EEFSEC: variants seen among roughly 807,000 people sequenced by gnomAD.
The protein encoded by EEFSEC is selenocysteine-specific elongation factor.
Under a neutral mutation model 42.1 loss-of-function variants are expected in EEFSEC, and 43 were observed. That is an observed-to-expected ratio of 1.02 (90% CI 0.80 to 1.32). The LOEUF is 1.32. Among genes scored for constraint, EEFSEC ranks in the 40% most tolerant of loss-of-function variants. The pLI is 0.00. For missense variants in EEFSEC, 745 were observed against 803.6 expected (o/e 0.93, Z 0.88); for synonymous variants, 354 against 339.1 (o/e 1.04, Z -0.48).
At chr3:128,402,775 C>T (rs1377985997) in intron 6 of EEFSEC, among the ~76,000 whole-genome samples, 1 of 152,178 alleles carries the variant, frequency 6.6e-6, no homozygotes, top group African/African-American at 2.4e-5. Flanking sequence ...AAACAGCTGC[C>T]CTTCAGGTTC....
At chr3:128,156,432 A>C (rs775591757) in intron 1 of EEFSEC, among the ~76,000 whole-genome samples, 2 of 152,294 alleles carry the variant, frequency 1.3e-5, no homozygotes, top group Admixed American at 6.5e-5. Flanking sequence ...TAGTTCCCTC[A>C]TCCGCTTCCA....
chr3:128,368,707 A>G (rs1029973172), intron 6 of EEFSEC, among the ~76,000 whole-genome samples: 3 of 152,194 alleles, frequency 2.0e-5, no homozygotes, highest in African/African-American at 7.2e-5. Flanking sequence ...ATCTGATAAA[A>G]TGGGGGTAAC....
At chr3:128,407,687 G>A (rs1397771199) in intron 6 of EEFSEC, among the ~76,000 whole-genome samples, 1 of 152,204 alleles carries the variant, frequency 6.6e-6, no homozygotes, top group Non-Finnish European at 1.5e-5. Context: ...AGGCACACAA[G>A]AGGGTGGAGA....
intron 1 of EEFSEC, among the ~76,000 whole-genome samples, chr3:128,225,371 C>G (rs2065898489): frequency 6.6e-6 from 1 of 152,156 alleles, no homozygotes; most frequent in Non-Finnish European, 1.5e-5. Context: ...CCAAGGCCCC[C>G]TACAATGAAG....
chr3:128,174,901 C>G (rs1019898827), intron 1 of EEFSEC, among the ~76,000 whole-genome samples: 1 of 152,094 alleles, frequency 6.6e-6, no homozygotes, highest in Non-Finnish European at 1.5e-5. Context: ...CAGGAAAGAG[C>G]ATTGCAATTA....
intron 2 of EEFSEC, among the ~76,000 whole-genome samples, chr3:128,259,379 T>A (rs890844529): frequency 5.3e-5 from 8 of 152,248 alleles, no homozygotes; most frequent in African/African-American, 1.9e-4. Flanking sequence ...GGCAATGCAA[T>A]ACAAATTAAA....
At chr3:128,253,729 A>G (rs2066212706) in intron 2 of EEFSEC, among the ~76,000 whole-genome samples, 1 of 151,188 alleles carries the variant, frequency 6.6e-6, no homozygotes, top group South Asian at 2.1e-4. Context: ...CCTTCTGGGT[A>G]TTGCCTTTCT....
At chr3:128,347,963 AT>A (rs929334072) in intron 5 of EEFSEC, among the ~76,000 whole-genome samples, 41 of 152,094 alleles carry the variant, frequency 2.7e-4, no homozygotes, top group Non-Finnish European at 4.3e-4. Flanking sequence ...TAGAGTATAC[AT>A]TTTTTTTCCT....
At chr3:128,349,703 A>T (rs1022024042) in intron 5 of EEFSEC, among the ~76,000 whole-genome samples, 1 of 152,208 alleles carries the variant, frequency 6.6e-6, no homozygotes, top group Non-Finnish European at 1.5e-5. Context: ...TGCAAAACAA[A>T]GGGGGTCCTG....
intron 6 of EEFSEC, among the ~76,000 whole-genome samples, chr3:128,399,045 A>C (rs986505424): frequency 2.6e-5 from 4 of 151,950 alleles, no homozygotes; most frequent in Admixed American, 2.6e-4. Flanking sequence ...TTTTCTGCCT[A>C]TTTCAGAATG....
intron 4 of EEFSEC, among the ~76,000 whole-genome samples, chr3:128,299,018 T>C (rs113225523): frequency 6.6e-6 from 1 of 152,380 alleles, no homozygotes; most frequent in African/African-American, 2.4e-5. Flanking sequence ...TGAATAGTGC[T>C]GCAGTAAACA....
chr3:128,211,896 G>T (rs2065761521), intron 1 of EEFSEC, among the ~76,000 whole-genome samples: 1 of 101,398 alleles, frequency 9.9e-6, no homozygotes, highest in South Asian at 3.6e-4. Context: ...GTCTTGCTGT[G>T]TTGCACAGGC....
chr3:128,387,563 C>A (rs140974376), intron 6 of EEFSEC, among the ~76,000 whole-genome samples: 1 of 152,036 alleles, frequency 6.6e-6, no homozygotes, highest in Admixed American at 6.5e-5. Flanking sequence ...AGAACAGATA[C>A]CAGCCTGAAT....
the EEFSEC span, among the ~76,000 whole-genome samples, chr3:128,422,386 G>T: frequency 8.5e-5 from 13 of 152,202 alleles, no homozygotes; most frequent in Admixed American, 8.5e-4. Context: ...CAGAGGGATG[G>T]AGGGCAGTGT....
chr3:128,387,995 G>A (rs2067862009), intron 6 of EEFSEC, among the ~76,000 whole-genome samples: 1 of 152,206 alleles, frequency 6.6e-6, no homozygotes, highest in Admixed American at 6.5e-5. Context: ...GCTCAAGTAA[G>A]GTGCAGCCAT....
chr3:128,173,321 A>G (rs1465093518), intron 1 of EEFSEC, among the ~76,000 whole-genome samples: 3 of 151,980 alleles, frequency 2.0e-5, no homozygotes, highest in African/African-American at 7.3e-5. Flanking sequence ...TTCCATCTTC[A>G]CTCCCTAAGG....
chr3:128,239,207 T>C (rs1352121634), intron 1 of EEFSEC, among the ~76,000 whole-genome samples: 1 of 152,218 alleles, frequency 6.6e-6, no homozygotes, highest in African/African-American at 2.4e-5. Context: ...GGGGAGGCAC[T>C]GTTTGTATTC....
At chr3:128,342,557 C>T (rs2067267716) in intron 5 of EEFSEC, among the ~76,000 whole-genome samples, 1 of 152,260 alleles carries the variant, frequency 6.6e-6, no homozygotes, top group Non-Finnish European at 1.5e-5. Context: ...GCCTGAAGTT[C>T]ACCATCGCTA....
At chr3:128,370,632 C>T (rs1198790707) in intron 6 of EEFSEC, among the ~76,000 whole-genome samples, 1 of 152,204 alleles carries the variant, frequency 6.6e-6, no homozygotes, top group Non-Finnish European at 1.5e-5. Context: ...TCTCCCTCTC[C>T]CCGACCACCC....
Sources: allele counts gnomAD v4.1 joint callset (sites outside exome capture counted in the v4.1 genomes callset), GRCh38; gene constraint gnomAD v4.1.1; transcripts MANE v1.5; gene names NCBI Gene and HGNC (gene_info 2026-07-23, HGNC 2026-07-21).